The following HACE1 variants were observed in gnomAD, a reference collection of about 807,000 sequenced individuals.
HACE1 encodes E3 ubiquitin-protein ligase HACE1.
Under a neutral mutation model 118.4 loss-of-function variants are expected in HACE1, and 73 were observed. The ratio of observed to expected loss-of-function variants is 0.62; its 90% confidence interval spans 0.51 to 0.75. The LOEUF is 0.75. Ranked by LOEUF, HACE1 falls within the 30% of genes least tolerant of loss-of-function variation. The pLI is 0.00. For synonymous variants in HACE1, 368 were observed against 374.8 expected, an observed-to-expected ratio of 0.98 and a Z score of 0.21; for missense variants, 749 against 1,102.2, an observed-to-expected ratio of 0.68 and a Z score of 4.54.
At chr6:104,792,395 T>C (rs1218561378) in intron 10 of HACE1, among the ~76,000 whole-genome samples, 1 of 152,202 alleles carries the variant, frequency 6.6e-6, no homozygotes, top group African/African-American at 2.4e-5. Context: ...TTGGTCAACA[T>C]CATGAATACC....
intron 4 of HACE1, among the ~76,000 whole-genome samples, 173 bp from the exon 5 acceptor site, chr6:104,843,471 T>C (rs1033577251): frequency 6.6e-6 from 1 of 152,200 alleles, no homozygotes; most frequent in Non-Finnish European, 1.5e-5. Context: ...TGACGCAAGA[T>C]ACAAAACTGC....
chr6:104,798,631 C>T (rs1769959081), intron 7 of HACE1, among the ~76,000 whole-genome samples: 1 of 152,080 alleles, frequency 6.6e-6, no homozygotes, highest in African/African-American at 2.4e-5. Flanking sequence ...GCAAGAAGTC[C>T]TCATCAAGCA....
rs144739682 is a variant in HACE1, at chr6:104,777,253, A to G, written c.1631T>C (p.Met544Thr). The change falls in exon 15 of 24, where the codon ATG becomes ACG. Residue 544 changes from methionine to threonine, a missense_variant. By Grantham distance (81) the Met-to-Thr change is moderately conservative. This residue lies in a region of HACE1 where 195 missense variants were observed against 322.1 expected (regional missense o/e 0.61). Coordinates refer to ENST00000262903, the MANE Select transcript of HACE1 (RefSeq NM_020771.4). The stretch of plus-strand genomic sequence containing the variant: ...ATTTTCATTCACTGGCCTGTGCACC[A>G]TATCTGAATCTGGCTGTCCTGAATG... The part of the protein sequence containing the change: ...HLHSGQPDSD[M>T]VHRPVNENDI... 27 of 1,613,888 alleles carry G rather than the reference A, an allele frequency of 1.7e-5. No individual in the cohort carries two copies. The African/African-American group carries it at 2.9e-4, about 18-fold the overall frequency.
chr6:104,822,854 A>T (rs1385278677), intron 6 of HACE1, among the ~76,000 whole-genome samples: 1 of 152,108 alleles, frequency 6.6e-6, no homozygotes, highest in Non-Finnish European at 1.5e-5. Flanking sequence ...CAAAAAAAAA[A>T]GTAATGGTAT....
intron 7 of HACE1, among the ~76,000 whole-genome samples, chr6:104,800,331 G>C (rs1174026391): frequency 6.6e-6 from 1 of 152,202 alleles, no homozygotes; most frequent in Non-Finnish European, 1.5e-5. Context: ...AGACTGAAAT[G>C]TCACTGTCTG....
In HACE1 at chr6:104,859,725, C is replaced by G. The variant is rs1777130892; in HGVS notation, c.-83G>C. 4 of 1,263,524 alleles carry G rather than the reference C, an allele frequency of 3.2e-6. No individual in the cohort carries two copies. The highest frequency in any genetic ancestry group is 4.4e-6 in the Non-Finnish European group (4 of 914,672). The allele number at this position is 1,263,524 out of a possible 1,614,324, so 78.3% of individuals were successfully genotyped here. A position where few individuals can be genotyped will look rare whatever the true frequency, so the allele number is the denominator to read the frequency against. ...CCCAGAGCCCTACATCTCGCCTGGG[C>G]CCGTCCAGCAGGCGGAGACGCGGGC... is the stretch of plus-strand genomic sequence containing the variant. On this transcript the variant is annotated 5_prime_UTR_variant, in exon 1 of 24. Coordinates refer to ENST00000262903, the MANE Select transcript of HACE1 (RefSeq NM_020771.4).
chr6:104,834,919 T>C lies in HACE1; in HGVS notation c.403-1746A>G, dbSNP rs374853183. 4.5e-4 allele frequency among the ~76,000 whole-genome samples: 69 copies of C among 152,310 alleles called. No individual in the cohort carries two copies. The Middle Eastern group carries it at 0.01, about 23-fold the overall frequency. ...CAGTAATGGCCCCCACTCAACCAGA[T>C]AGAATGCAAGAGGCTTGAAAACAGT... is the stretch of plus-strand genomic sequence containing the variant. On this transcript the variant is annotated intron_variant, in intron 5 of 23. Transcript: ENST00000262903.
At chr6:104,859,528 C>T in intron 1 of HACE1, 39 bp downstream of exon 1, 1 of 1,460,968 alleles carries the variant, frequency 6.8e-7, no homozygotes, top group Non-Finnish European at 9.1e-7. Flanking sequence ...CTGGCCGCCC[C>T]CAGCCCCGCG....
chr6:104,832,923 G>A (rs1774152756), intron 6 of HACE1, 119 bp downstream of exon 6: 2 of 959,186 alleles, frequency 2.1e-6, no homozygotes, highest in Admixed American at 1.9e-5. Flanking sequence ...ATATGATGCA[G>A]AAAATAAGAT....
intron 22 of HACE1, among the ~76,000 whole-genome samples, chr6:104,736,473 G>A (rs1374913475): frequency 1.3e-5 from 2 of 151,870 alleles, no homozygotes; most frequent in East Asian, 3.9e-4. Context: ...TTGTAGAGAC[G>A]GTTTCGCCAT....
At position 104,784,102 on chromosome 6, in the gene HACE1, T is replaced by C. The variant is rs1475262407; in HGVS notation, c.1550A>G (p.His517Arg). 1.9e-6 allele frequency: 3 copies of C among 1,570,866 alleles called. 1 individual carries two copies. The highest frequency in any genetic ancestry group is 2.7e-5 in the African/African-American group (2 of 74,092). Residue 517 changes from histidine to arginine, a missense_variant, in exon 14 of 24, where the codon CAT (histidine) becomes CGT (arginine). By Grantham distance (29) the His-to-Arg change is conservative (BLOSUM62 0). Transcript: ENST00000262903. ...ECPELMSRFM[H>R]IIKAQPFKDR... is the part of the protein sequence containing the mutation. Reference sequence around the variant, plus strand: ...AATTTCTACCTGTGCTTTTATGATATGCATGAATCTTGACATCAACTCAGG... The same window carrying C: ...AATTTCTACCTGTGCTTTTATGATACGCATGAATCTTGACATCAACTCAGG...
At chr6:104,779,352 C>T (rs936088763) in intron 14 of HACE1, among the ~76,000 whole-genome samples, 1 of 152,162 alleles carries the variant, frequency 6.6e-6, no homozygotes, top group African/African-American at 2.4e-5. Flanking sequence ...TTAAAAGATT[C>T]AAATATCACT....
intron 19 of HACE1, among the ~76,000 whole-genome samples, chr6:104,751,988 A>T (rs1242351523): frequency 1.3e-5 from 2 of 151,726 alleles, no homozygotes; most frequent in Admixed American, 1.3e-4. Context: ...AAAGACCAAA[A>T]AAAGGCACTG....
chr6:104,796,925 A>T lies in HACE1; in HGVS notation c.714+4T>A. On this transcript the variant is annotated splice_donor_region_variant and intron_variant, in intron 8 of 23. Transcript: ENST00000262903. ...GGGGCTCAGAATATAAATGAAAAAC[A>T]CACCTGTACACATAAATCCAGAGGA... 1.3e-6 allele frequency: 2 copies of T among 1,485,764 alleles called. No individual in the cohort carries two copies. Among genetic ancestry groups the T allele is most frequent in the East Asian group, 2.3e-5 (1 of 44,160 alleles). 92.0% of individuals were successfully genotyped at this position (1,485,764 alleles called of 1,614,324 possible).
chr6:104,829,301 A>T (rs1406874356), intron 6 of HACE1, among the ~76,000 whole-genome samples: 2 of 152,090 alleles, frequency 1.3e-5, no homozygotes, highest in Non-Finnish European at 2.9e-5. Flanking sequence ...TTTATCCTAT[A>T]ACATCATATT....
chr6:104,744,420 A>C, intron 21 of HACE1, 92 bp downstream of exon 21: 1 of 848,274 alleles, frequency 1.2e-6, no homozygotes, highest in Non-Finnish European at 2.0e-6. Context: ...TTACTTTGTT[A>C]ATTAATGTAA....
At chr6:104,778,116 C>T (rs537441681) in intron 14 of HACE1, among the ~76,000 whole-genome samples, 11 of 152,080 alleles carry the variant, frequency 7.2e-5, no homozygotes, top group East Asian at 1.9e-4. Context: ...GAAATTGGAA[C>T]GTAATTTGTT....
At chr6:104,732,798 C>A (rs1355885135) in intron 22 of HACE1, among the ~76,000 whole-genome samples, 1 of 152,110 alleles carries the variant, frequency 6.6e-6, no homozygotes, top group African/African-American at 2.4e-5. Context: ...AAACATTTAA[C>A]AATCCAATAT....
intron 19 of HACE1, among the ~76,000 whole-genome samples, chr6:104,764,307 A>C (rs575686704): frequency 6.6e-6 from 1 of 152,126 alleles, no homozygotes; most frequent in Non-Finnish European, 1.5e-5. Context: ...GAAACTCCTG[A>C]CCTCAGGTGA....
Sources: gnomAD v4.1 joint callset for allele counts (sites outside exome capture counted in the v4.1 genomes callset) on GRCh38, gnomAD v4.1.1 for gene constraint, gnomAD v4.1.1 regional missense constraint, MANE v1.5 for transcripts, NCBI Gene and HGNC (gene_info 2026-07-23, HGNC 2026-07-21) for gene names.